KREMEN1: variants seen among roughly 807,000 people sequenced by gnomAD.
KREMEN1 encodes kringle containing transmembrane protein 1, also known as kremen protein 1.
KREMEN1 carries 30 observed loss-of-function variants against 46.5 expected under a neutral mutation model. The observed-to-expected ratio is 0.65, with a 90% CI of 0.48 to 0.88. The LOEUF (loss-of-function observed/expected upper bound fraction) is 0.88. Among genes scored for constraint, KREMEN1 ranks in the 40% least tolerant of loss-of-function variants. The probability of loss-of-function intolerance (pLI) is 0.00; values close to 1 mark genes in which losing one functional copy is unlikely to be tolerated. For synonymous variants in KREMEN1, 214 were observed against 230.6 expected (o/e 0.93, Z 0.65); for missense variants, 533 against 596.9 (o/e 0.89, Z 1.11).
chr22:29,097,024 G>T (rs913240537), intron 2 of KREMEN1, among the ~76,000 whole-genome samples: 2 of 152,246 alleles, frequency 1.3e-5, no homozygotes, highest in Non-Finnish European at 2.9e-5. Context: ...GACTGGGGAA[G>T]AGCAGAGTTG....
intron 2 of KREMEN1, among the ~76,000 whole-genome samples, chr22:29,095,852 A>G (rs1028655465): frequency 2.0e-5 from 3 of 151,590 alleles, no homozygotes; most frequent in Non-Finnish European, 1.5e-5. Flanking sequence ...TGTTTGTTAT[A>G]AAAGTGTTAA....
At chr22:29,157,334 C>T (rs909520941) in intron 9 of KREMEN1, among the ~76,000 whole-genome samples, 1 of 152,052 alleles carries the variant, frequency 6.6e-6, no homozygotes, top group Admixed American at 6.6e-5. Flanking sequence ...CCCACCATGA[C>T]TTTGTTTTTC....
chr22:29,087,203 A>C (rs2037743730), intron 1 of KREMEN1, among the ~76,000 whole-genome samples: 1 of 152,202 alleles, frequency 6.6e-6, no homozygotes, highest in South Asian at 2.1e-4. Flanking sequence ...CTGTAATTGA[A>C]TTTAATGTGA....
Position 29,144,617 on chromosome 22 carries a change from A to C in KREMEN1, c.*2505A>C. ...GTTTGTGGAATCTCTCTCAAACATA[A>C]GTGTCAGGTGTGTGTCGTCCCAACG... On this transcript the variant is annotated 3_prime_UTR_variant, in exon 9 of 9. Transcript: ENST00000400335. The C allele has an allele frequency of 1.0e-6, 1 of 985,540 alleles. No homozygotes were observed. The highest frequency in any genetic ancestry group is 1.2e-6 in the Non-Finnish European group (1 of 829,984). The allele number at this position is 985,540 out of a possible 1,614,324, so 61.0% of individuals were successfully genotyped here. A position where few individuals can be genotyped will look rare whatever the true frequency, so the allele number is the denominator to read the frequency against.
chr22:29,165,893 C>T (rs905283718), intron 9 of KREMEN1, among the ~76,000 whole-genome samples: 10 of 152,182 alleles, frequency 6.6e-5, no homozygotes, highest in African/African-American at 1.7e-4. Context: ...CCTGGGAGGG[C>T]GCCCGTTAGC....
intron 2 of KREMEN1, among the ~76,000 whole-genome samples, chr22:29,097,719 T>A (rs1212750550): frequency 6.6e-6 from 1 of 152,122 alleles, no homozygotes; most frequent in Non-Finnish European, 1.5e-5. Flanking sequence ...GAGTATTCAC[T>A]ATAGAGGAAA....
chr22:29,147,697 G>A (rs1177842690), downstream of KREMEN1, among the ~76,000 whole-genome samples: 4 of 152,236 alleles, frequency 2.6e-5, no homozygotes, highest in South Asian at 8.3e-4. Flanking sequence ...AAGGAAACCA[G>A]TCGGGAGACT....
chr22:29,101,491 T>C (rs1456970940), intron 3 of KREMEN1, among the ~76,000 whole-genome samples: 1 of 152,234 alleles, frequency 6.6e-6, no homozygotes, highest in East Asian at 1.9e-4. Flanking sequence ...TCTACAGTAA[T>C]GTATGGTAAT....
chr22:29,097,784 A>C (rs2037903057), intron 2 of KREMEN1, among the ~76,000 whole-genome samples: 1 of 152,186 alleles, frequency 6.6e-6, no homozygotes, highest in Non-Finnish European at 1.5e-5. Flanking sequence ...TCCAGTGTCT[A>C]GAGATACTTT....
chr22:29,141,668 C>G (rs894231291), intron 8 of KREMEN1, among the ~76,000 whole-genome samples: 2 of 152,156 alleles, frequency 1.3e-5, no homozygotes, highest in Admixed American at 1.3e-4. Flanking sequence ...AATCCATAAT[C>G]TCTCAGGCTG....
intron 1 of KREMEN1, among the ~76,000 whole-genome samples, chr22:29,089,443 A>G (rs1259946932): frequency 6.6e-6 from 1 of 151,842 alleles, no homozygotes; most frequent in Non-Finnish European, 1.5e-5. Context: ...TCCACTTCTC[A>G]CCACCCCACA....
Position 29,073,945 on chromosome 22 carries a change from C to G in KREMEN1, c.97+718C>G, listed in dbSNP as rs1343005680. ...CTCTCCGAGACCTCCAGCGACATCC[C>G]TCCCCTGGGCCAAGGTCCCCTCCCT... On this transcript the variant is annotated intron_variant, in intron 1 of 8. Coordinates refer to ENST00000400335, the MANE Select transcript of KREMEN1 (RefSeq NM_001039570.3). This position sits in a 1 kb window ranked among gnomAD's most constrained non-coding sequence, Gnocchi z 4.4. 6.6e-6 allele frequency among the ~76,000 whole-genome samples: 1 copy of G among 152,178 alleles called. No individual in the cohort carries two copies. The highest frequency in any genetic ancestry group is 1.5e-5 in the Non-Finnish European group (1 of 68,020).
chr22:29,135,158 G>A (rs2038635903), intron 5 of KREMEN1, among the ~76,000 whole-genome samples: 1 of 152,166 alleles, frequency 6.6e-6, no homozygotes, highest in South Asian at 2.1e-4. Flanking sequence ...GCTCTGCTTT[G>A]CATCGGCTGC....
At chr22:29,157,359 TGGAGTCTCGCTCTTGTTG>T (rs1277600667) in intron 9 of KREMEN1, among the ~76,000 whole-genome samples, 2 of 152,168 alleles carry the variant, frequency 1.3e-5, no homozygotes, top group African/African-American at 4.8e-5. Flanking sequence ...TGGTTTGAGA[TGGAGTCTCGCTCTTGTTG>T]CCCAGGCTGG....
chr22:29,121,333 C>A (rs751782868), intron 3 of KREMEN1, 24 bp from the exon 4 acceptor site: 3 of 1,611,954 alleles, frequency 1.9e-6, no homozygotes, highest in African/African-American at 1.3e-5. Context: ...TTGCGAAATT[C>A]TTTTGTTTTT....
chr22:29,149,176 T>C (rs115190852), downstream of KREMEN1, among the ~76,000 whole-genome samples: 3,149 of 151,884 alleles, frequency 0.021, 101 homozygotes, highest in African/African-American at 0.069. Flanking sequence ...CACCTTTTTT[T>C]TTTTTGAGAC....
At chr22:29,108,923 G>A (rs1419595582) in intron 3 of KREMEN1, among the ~76,000 whole-genome samples, 5 of 152,142 alleles carry the variant, frequency 3.3e-5, no homozygotes, top group Non-Finnish European at 7.3e-5. Flanking sequence ...CCAAGTAGCT[G>A]GGACAACAGG....
At chr22:29,161,368 G>A (rs566974978) in intron 9 of KREMEN1, among the ~76,000 whole-genome samples, 50 of 151,994 alleles carry the variant, frequency 3.3e-4, no homozygotes, top group Non-Finnish European at 5.4e-4. Flanking sequence ...TTAGCCAGGC[G>A]TGGTGGCAGG....
intron 9 of KREMEN1, among the ~76,000 whole-genome samples, chr22:29,166,260 A>C: frequency 6.7e-6 from 1 of 149,596 alleles, no homozygotes; most frequent in African/African-American, 2.5e-5. Context: ...CTTATTGAGC[A>C]CCTGCTAGGT....
Sources: gnomAD v4.1 joint callset for allele counts (sites outside exome capture counted in the v4.1 genomes callset) on GRCh38, gnomAD v4.1.1 for gene constraint, Gnocchi (gnomAD v3.1) non-coding constraint, MANE v1.5 for transcripts, NCBI Gene and HGNC (gene_info 2026-07-23, HGNC 2026-07-21) for gene names.